Variants in MTMR7 observed in about 807,000 individuals in gnomAD.
MTMR7 encodes phosphatidylinositol-3-phosphate phosphatase MTMR7.
A neutral mutation model predicts 81.2 loss-of-function variants in MTMR7; 76 were observed. The observed-to-expected ratio is 0.94, with a 90% confidence interval of 0.78 to 1.13. The LOEUF (loss-of-function observed/expected upper bound fraction) is 1.13, where lower values mean the gene tolerates loss of function less well. Among genes scored for constraint, MTMR7 ranks in the 50% most tolerant of loss-of-function variants. MTMR7 has a pLI of 0.00. For missense variants in MTMR7, 1,044 were observed against 820.0 expected, an observed-to-expected ratio of 1.27 and a Z score of -3.34; for synonymous variants, 372 against 289.8, an observed-to-expected ratio of 1.28 and a Z score of -2.88.
At chr8:17,329,867 G>T (rs1818905343) in intron 7 of MTMR7, among the ~76,000 whole-genome samples, 1 of 152,174 alleles carries the variant, frequency 6.6e-6, no homozygotes, top group Admixed American at 6.5e-5. Flanking sequence ...GTCAGGTATT[G>T]TCACTGTGAC....
At chr8:17,386,997 C>A (rs1290538913) in intron 1 of MTMR7, among the ~76,000 whole-genome samples, 1 of 152,156 alleles carries the variant, frequency 6.6e-6, no homozygotes, top group Non-Finnish European at 1.5e-5. Context: ...GATCATGTCA[C>A]TCTCTGTTCA....
chr8:17,308,758 C>A (rs10100563), intron 10 of MTMR7, among the ~76,000 whole-genome samples: 75,922 of 151,964 alleles, frequency 0.5, 19,720 homozygotes, highest in African/African-American at 0.63. Flanking sequence ...GTCAGACAGC[C>A]CAGACGTCCA....
intron 1 of MTMR7, among the ~76,000 whole-genome samples, chr8:17,389,777 T>G (rs1821048438): frequency 6.6e-6 from 1 of 151,752 alleles, no homozygotes; most frequent in African/African-American, 2.4e-5. Flanking sequence ...AAACAAAACT[T>G]CATCTGCAAA....
chr8:17,311,788 G>A (rs527910263), intron 8 of MTMR7, 152 bp from the exon 9 acceptor site: 9 of 1,241,950 alleles, frequency 7.2e-6, no homozygotes, highest in Non-Finnish European at 1.0e-5. Flanking sequence ...CCCCTAATTA[G>A]GGCAGAGCCA....
At position 17,371,067 on chromosome 8, in the gene MTMR7, A is replaced by G; in HGVS notation, c.280T>C (p.Tyr94His). The G allele has an allele frequency of 6.2e-7, 1 of 1,614,072 alleles. No individual in the cohort carries two copies. Among genetic ancestry groups the G allele is most frequent in the Non-Finnish European group, 8.5e-7 (1 of 1,179,952 alleles). Reference sequence around the variant, plus strand: ...CTTGCAAGGCGTATCAGGGAGATGTACACGTCGTGGCAATCTCTTTCCTGA... The same window carrying G: ...CTTGCAAGGCGTATCAGGGAGATGTGCACGTCGTGGCAATCTCTTTCCTGA... ...IPQERDCHDV[Y>H]ISLIRLARPV... Residue 94 changes from tyrosine (Y) to histidine (H), a missense_variant, in exon 3 of 14, where the codon TAC becomes CAC. Coordinates refer to ENST00000180173, the MANE Select transcript of MTMR7 (RefSeq NM_004686.5).
chr8:17,313,462 C>A, intron 7 of MTMR7, 61 bp from the exon 8 acceptor site: 1 of 1,093,154 alleles, frequency 9.1e-7, no homozygotes, highest in Non-Finnish European at 1.4e-6. Flanking sequence ...TACATATGAT[C>A]ATGTTTTATA....
chr8:17,308,879 G>T (rs1817634767), intron 10 of MTMR7, among the ~76,000 whole-genome samples: 1 of 152,194 alleles, frequency 6.6e-6, no homozygotes, highest in Admixed American at 6.6e-5. Context: ...CGATACAAAT[G>T]CCTTAGGACT....
At chr8:17,393,157 G>A (rs939815582) in intron 1 of MTMR7, among the ~76,000 whole-genome samples, 2 of 152,176 alleles carry the variant, frequency 1.3e-5, no homozygotes, top group Non-Finnish European at 2.9e-5. Flanking sequence ...ACAAGGGTAT[G>A]AAGACAATTA....
At chr8:17,304,660 T>C (rs1381344293) in intron 11 of MTMR7, 141 bp from the exon 12 acceptor site, 2 of 797,016 alleles carry the variant, frequency 2.5e-6, no homozygotes, top group African/African-American at 1.7e-5. Flanking sequence ...ATGTATCATC[T>C]TGGTGACTTC....
chr8:17,322,535 T>C (rs1324510904), intron 7 of MTMR7, among the ~76,000 whole-genome samples: 5 of 152,144 alleles, frequency 3.3e-5, no homozygotes, highest in African/African-American at 1.2e-4. Flanking sequence ...ATAAAAAACA[T>C]GTGGCTGGGC....
chr8:17,337,471 G>A (rs951689998), intron 6 of MTMR7, among the ~76,000 whole-genome samples: 7 of 151,878 alleles, frequency 4.6e-5, no homozygotes, highest in African/African-American at 1.7e-4. Context: ...GCCCTCATTT[G>A]AAAATTCAGC....
chr8:17,400,184 G>T (rs1175591799), intron 1 of MTMR7, among the ~76,000 whole-genome samples: 1 of 152,092 alleles, frequency 6.6e-6, no homozygotes, highest in African/African-American at 2.4e-5. Context: ...TACAACAATA[G>T]TACCGATAGT....
rs567850068 is a variant in MTMR7 at position 17,321,425 on chromosome 8, G to A, written c.866-8024C>T. On this transcript the variant is annotated intron_variant, in intron 7 of 13. Coordinates refer to ENST00000180173, the MANE Select transcript of MTMR7 (RefSeq NM_004686.5). ...CTGTTTTCAGGAGCATTAACATTGC[G>A]TGTGCTAAGTAAAATAACCCCACCA... 4.6e-5 allele frequency among the ~76,000 whole-genome samples: 7 copies of A among 152,206 alleles called. No individual in the cohort carries two copies. The East Asian group carries it at 5.8e-4, about 13-fold the overall frequency.
chr8:17,355,898 T>C (rs1234007895), intron 4 of MTMR7, among the ~76,000 whole-genome samples: 3 of 152,162 alleles, frequency 2.0e-5, no homozygotes, highest in African/African-American at 7.2e-5. Flanking sequence ...ACCAATCAGT[T>C]TGGCTCAAAG....
intron 1 of MTMR7, among the ~76,000 whole-genome samples, chr8:17,375,187 C>G (rs1056813861): frequency 6.6e-6 from 1 of 152,064 alleles, no homozygotes; most frequent in Non-Finnish European, 1.5e-5. Context: ...TAGCAGACCT[C>G]GTGAACATTC....
At chr8:17,311,486 G>C (rs1304563492) in intron 9 of MTMR7, 25 bp downstream of exon 9, 2 of 1,613,668 alleles carry the variant, frequency 1.2e-6, no homozygotes, top group Non-Finnish European at 1.7e-6. Flanking sequence ...ACCGCCTGTG[G>C]GAATCGCCCA....
chr8:17,344,850 CT>C (rs1183240697), intron 5 of MTMR7, among the ~76,000 whole-genome samples: 1 of 152,084 alleles, frequency 6.6e-6, no homozygotes, highest in Non-Finnish European at 1.5e-5. Context: ...CCATGAAGGT[CT>C]GTATTTTTCC....
chr8:17,401,079 G>A lies in MTMR7; in HGVS notation c.24+12190C>T, dbSNP rs112241300. ...TAGCTGCCAGGTACCTTTGCAATTC[G>A]GGGGATACGGAATGTATGCATGTGT... is the stretch of plus-strand genomic sequence containing the variant. On this transcript the variant is annotated intron_variant, in intron 1 of 13. Coordinates refer to ENST00000180173, the MANE Select transcript of MTMR7 (RefSeq NM_004686.5). 7.7e-3 allele frequency among the ~76,000 whole-genome samples: 1,171 copies of A among 152,074 alleles called. 22 individuals are homozygous for A. Among genetic ancestry groups the A allele is most frequent in the African/African-American group, 0.026 (1,098 of 41,500 alleles).
intron 6 of MTMR7, 75 bp downstream of exon 6, chr8:17,341,288 C>A: frequency 6.4e-7 from 1 of 1,573,262 alleles, no homozygotes; most frequent in South Asian, 1.2e-5. Context: ...CAAGAGATGG[C>A]AGTCGGCTAG....
Sources: gnomAD v4.1 joint callset for allele counts (sites outside exome capture counted in the v4.1 genomes callset) on GRCh38, gnomAD v4.1.1 for gene constraint, MANE v1.5 for transcripts, NCBI Gene and HGNC (gene_info 2026-07-23, HGNC 2026-07-21) for gene names.